Variants in GPR89B observed in about 807,000 individuals in gnomAD.
GPR89B encodes golgi pH regulator B.
A neutral mutation model predicts 52.4 loss-of-function variants in GPR89B; 25 were observed. The ratio of observed to expected loss-of-function variants is 0.48; its 90% CI spans 0.35 to 0.67. The LOEUF is 0.67. Ranked by LOEUF, GPR89B falls within the 30% of genes least tolerant of loss-of-function variation. The pLI is 0.01. For synonymous variants in GPR89B, 52 were observed against 151.2 expected (o/e 0.34, Z 4.81); for missense variants, 146 against 450.2 (o/e 0.32, Z 6.11).
intron 1 of GPR89B, among the ~76,000 whole-genome samples, chr1:147,933,053 T>C (rs1430874876): frequency 1.3e-5 from 2 of 152,210 alleles, no homozygotes; most frequent in African/African-American, 4.8e-5. Flanking sequence ...GCCTGGAGTA[T>C]AGTAAATGCT....
At chr1:147,990,746 A>G (rs1271864995) in intron 12 of GPR89B, among the ~76,000 whole-genome samples, 1 of 151,580 alleles carries the variant, frequency 6.6e-6, no homozygotes, top group Admixed American at 6.6e-5. Context: ...TTTGTCAAAG[A>G]GCAGATGGTT....
At chr1:148,025,065 G>A in the GPR89B span, among the ~76,000 whole-genome samples, 19 of 151,722 alleles carry the variant, frequency 1.3e-4, no homozygotes, top group African/African-American at 3.6e-4. Flanking sequence ...TTTCACCCCC[G>A]CCCCCAGTTA....
chr1:147,980,818 CAAAAAAAAAAA>C (rs1176400328), intron 10 of GPR89B, among the ~76,000 whole-genome samples: 752 of 22,564 alleles, frequency 0.033, 19 homozygotes, highest in African/African-American at 0.12. Flanking sequence ...GACTCCGTCT[CAAAAAAAAAAA>C]AAAAAAAAAA....
intron 1 of GPR89B, among the ~76,000 whole-genome samples, chr1:147,931,138 T>C (rs2149030761): frequency 1.3e-5 from 2 of 152,210 alleles, no homozygotes; most frequent in Admixed American, 1.3e-4. Flanking sequence ...ACCTGGCACA[T>C]ATTAGGCACT....
intron 7 of GPR89B, among the ~76,000 whole-genome samples, chr1:147,959,763 G>A (rs1656396850): frequency 6.6e-6 from 1 of 152,074 alleles, no homozygotes; most frequent in Non-Finnish European, 1.5e-5. Flanking sequence ...GCAGAAACTA[G>A]AAGAGAGTCT....
At chr1:148,009,324 C>G in the GPR89B span, 1 of 1,609,882 alleles carries the variant, frequency 6.2e-7, no homozygotes, top group South Asian at 1.1e-5. Context: ...CCTCCCCCTG[C>G]TCCCCAAAAA....
chr1:147,992,418 A>G, intron 12 of GPR89B, 84 bp from the exon 13 acceptor site: 2 of 1,338,516 alleles, frequency 1.5e-6, no homozygotes, highest in Non-Finnish European at 2.1e-6. Flanking sequence ...GACACTTTTA[A>G]TCAAATGTTA....
At chr1:147,965,362 C>T (rs1656954133) in intron 7 of GPR89B, among the ~76,000 whole-genome samples, 1 of 151,244 alleles carries the variant, frequency 6.6e-6, no homozygotes, top group Non-Finnish European at 1.5e-5. Context: ...TGCTCTTCAC[C>T]ATTTTTATCT....
At chr1:147,933,399 C>G (rs1160512541) in intron 1 of GPR89B, among the ~76,000 whole-genome samples, 2 of 151,788 alleles carry the variant, frequency 1.3e-5, no homozygotes, top group Admixed American at 6.6e-5. Flanking sequence ...GCTCTCCTTA[C>G]TCTAGATACT....
At chr1:147,973,114 T>C (rs1657592715) in intron 10 of GPR89B, among the ~76,000 whole-genome samples, 1 of 151,936 alleles carries the variant, frequency 6.6e-6, no homozygotes, top group African/African-American at 2.4e-5. Flanking sequence ...AGTGCTGCAG[T>C]GGGCGTACAT....
At chr1:148,015,366 G>C in the GPR89B span, among the ~76,000 whole-genome samples, 1 of 145,018 alleles carries the variant, frequency 6.9e-6, no homozygotes, top group Non-Finnish European at 1.5e-5. Context: ...CCAGGCTGGA[G>C]TGCAGTGGCG....
At chr1:147,930,324 C>G (rs1445367716) in intron 1 of GPR89B, among the ~76,000 whole-genome samples, 7 of 152,188 alleles carry the variant, frequency 4.6e-5, no homozygotes, top group African/African-American at 1.7e-4. Flanking sequence ...GAAGGTTTTA[C>G]CTGACACCCT....
chr1:147,936,861 GA>G (rs782465859), intron 2 of GPR89B, among the ~76,000 whole-genome samples, 175 bp downstream of exon 2: 18 of 152,126 alleles, frequency 1.2e-4, no homozygotes, highest in Non-Finnish European at 1.8e-4. Context: ...TAAAAGGGGG[GA>G]AAAAAGGCAA....
chr1:147,949,597 G>C (rs1284837279), intron 5 of GPR89B, among the ~76,000 whole-genome samples: 4 of 136,218 alleles, frequency 2.9e-5, no homozygotes, highest in African/African-American at 1.2e-4. Context: ...CTCCCTCCAG[G>C]ACCGGGCAGC....
chr1:148,002,771 C>A, the GPR89B span, among the ~76,000 whole-genome samples: 83 of 152,308 alleles, frequency 5.4e-4, no homozygotes, highest in African/African-American at 1.9e-3. Context: ...AATTCTTGTA[C>A]TACACATCAT....
the GPR89B span, among the ~76,000 whole-genome samples, chr1:147,999,630 A>G: frequency 6.7e-6 from 1 of 150,146 alleles, no homozygotes; most frequent in African/African-American, 2.5e-5. Flanking sequence ...TCCTTCTTAC[A>G]TGTAATAGCC....
At chr1:147,970,276 AC>A (rs1657317824) in intron 10 of GPR89B, among the ~76,000 whole-genome samples, 1 of 151,928 alleles carries the variant, frequency 6.6e-6, no homozygotes, top group Admixed American at 6.6e-5. Flanking sequence ...CAGGCATATC[AC>A]CTGAGGTCAG....
At chr1:148,013,274 A>T in the GPR89B span, among the ~76,000 whole-genome samples, 14 of 152,210 alleles carry the variant, frequency 9.2e-5, 1 homozygote, top group African/African-American at 3.4e-4. Context: ...GCCGCTGGAT[A>T]GCACGGCGGA....
the GPR89B span, among the ~76,000 whole-genome samples, chr1:148,013,553 G>A: frequency 2.0e-5 from 3 of 152,042 alleles, no homozygotes; most frequent in Non-Finnish European, 4.4e-5. Context: ...GTCTTTCATG[G>A]GTAAGAGTGG....
Sources: gnomAD v4.1 joint callset for allele counts (sites outside exome capture counted in the v4.1 genomes callset) on GRCh38, gnomAD v4.1.1 for gene constraint, MANE v1.5 for transcripts, NCBI Gene and HGNC (gene_info 2026-07-23, HGNC 2026-07-21) for gene names.